Variants in RYR2 observed in about 807,000 individuals in gnomAD.
RYR2 encodes the protein cardiac muscle ryanodine receptor-calcium release channel.
A neutral mutation model predicts 601.1 loss-of-function variants in RYR2; 227 were observed. That is an observed-to-expected ratio of 0.38 (90% confidence interval 0.34 to 0.42). The LOEUF is 0.42. Ranked by LOEUF, RYR2 falls within the 10% of genes least tolerant of loss-of-function variation. The probability of loss-of-function intolerance (pLI) is 1.00; values close to 1 mark genes in which losing one functional copy is unlikely to be tolerated. For missense variants in RYR2, 4,646 were observed against 6,156.5 expected, an observed-to-expected ratio of 0.75 and a Z score of 8.21; for synonymous variants, 2,223 against 2,175.1, an observed-to-expected ratio of 1.02 and a Z score of -0.61.
chr1:237,174,429 A>G (rs569122291), intron 1 of RYR2, among the ~76,000 whole-genome samples: 1 of 152,292 alleles, frequency 6.6e-6, no homozygotes, highest in East Asian at 1.9e-4. Flanking sequence ...CTCCTAAAGT[A>G]GGCACTGTTT....
Position 237,608,828 on chromosome 1 carries a change from T to C in RYR2, c.4684-1934T>C, listed in dbSNP as rs1236228879. 2.1e-5 allele frequency among the ~76,000 whole-genome samples: 3 copies of C among 144,560 alleles called. No homozygotes were observed. In the Admixed American group the frequency reaches 2.1e-4, roughly 10 times the overall value. The allele number at this position is 144,560 out of a possible 152,430, so 94.8% of individuals were successfully genotyped here. On this transcript the variant is annotated intron_variant, in intron 35 of 104. Coordinates refer to ENST00000366574, the MANE Select transcript of RYR2 (RefSeq NM_001035.3). ...TTTTTTTTTTTTTTTTTTACAAAAT[T>C]GGACAAGGAGTTGTAGTTTCTCAGA...
intron 1 of RYR2, among the ~76,000 whole-genome samples, chr1:237,219,562 C>A (rs1176166080): frequency 6.6e-6 from 1 of 152,146 alleles, no homozygotes; most frequent in Non-Finnish European, 1.5e-5. Context: ...GTAAAAATAA[C>A]CTCTACAAAT....
intron 37 of RYR2, 84 bp from the exon 38 acceptor site, chr1:237,617,202 G>A: frequency 1.6e-6 from 2 of 1,254,130 alleles, no homozygotes; most frequent in Non-Finnish European, 2.2e-6. Flanking sequence ...AGGCAACTAA[G>A]GATGTTTACC....
intron 62 of RYR2, among the ~76,000 whole-genome samples, chr1:237,681,033 T>G (rs1306858746): frequency 6.6e-6 from 1 of 152,208 alleles, no homozygotes; most frequent in African/African-American, 2.4e-5. Flanking sequence ...CCTATAAAAT[T>G]TCTGAAGCTT....
At chr1:237,275,806 A>C (rs2149364241) in intron 2 of RYR2, among the ~76,000 whole-genome samples, 1 of 152,310 alleles carries the variant, frequency 6.6e-6, no homozygotes, top group African/African-American at 2.4e-5. Context: ...AGAAAACTTC[A>C]GTAAGTTCCA....
At chr1:237,080,505 T>C (rs1665487865) in intron 1 of RYR2, among the ~76,000 whole-genome samples, 1 of 74,586 alleles carries the variant, frequency 1.3e-5, no homozygotes, top group Admixed American at 1.3e-4. Context: ...AAGACATTTA[T>C]GCAGCCAAAA....
At chr1:237,606,202 A>G (rs577248338) in intron 35 of RYR2, among the ~76,000 whole-genome samples, 1 of 152,302 alleles carries the variant, frequency 6.6e-6, no homozygotes, top group South Asian at 2.1e-4. Flanking sequence ...ACAGCATGGT[A>G]CTGGTACCAA....
chr1:237,503,160 G>A (rs1248414704), intron 21 of RYR2, 129 bp from the exon 22 acceptor site: 1 of 726,006 alleles, frequency 1.4e-6, no homozygotes, highest in Non-Finnish European at 2.3e-6. Context: ...CATTATGATG[G>A]TACGTAGGGG....
intron 85 of RYR2, among the ~76,000 whole-genome samples, chr1:237,771,389 C>A (rs548080716): frequency 6.8e-6 from 1 of 147,340 alleles, no homozygotes; most frequent in African/African-American, 2.5e-5. Flanking sequence ...GGAGCTTAGG[C>A]AACACAGCAA....
chr1:237,464,371 C>T (rs1211342889), intron 16 of RYR2, among the ~76,000 whole-genome samples: 1 of 151,756 alleles, frequency 6.6e-6, no homozygotes, highest in African/African-American at 2.4e-5. Context: ...CTTCCATTCT[C>T]TTCACATCCT....
At chr1:237,330,836 A>G in intron 2 of RYR2, 42 bp from the exon 3 acceptor site, 11 of 1,501,796 alleles carry the variant, frequency 7.3e-6, no homozygotes, top group Non-Finnish European at 1.0e-5. Flanking sequence ...TGGATGCTTG[A>G]TGAAGATGAT....
chr1:237,395,352 T>A (rs1327588612), intron 10 of RYR2, among the ~76,000 whole-genome samples: 1 of 152,132 alleles, frequency 6.6e-6, no homozygotes, highest in Non-Finnish European at 1.5e-5. Flanking sequence ...AAGCTTTGCT[T>A]TTCTCTAATT....
rs1308734138 is a variant in RYR2, at chr1:237,566,747, A to C, written c.3395A>C (p.Glu1132Ala). 6.2e-7 allele frequency: 1 copy of C among 1,613,948 alleles called. No individual in the cohort carries two copies. The highest frequency in any genetic ancestry group is 2.2e-5 in the East Asian group (1 of 44,880). Residue 1132 changes from glutamate to alanine, a missense_variant, in exon 28 of 105, where the codon GAA becomes GCA. By Grantham distance (107) the Glu-to-Ala change is moderately radical (BLOSUM62 -1). Transcript: ENST00000366574. ...CQPDQELGSD[E>A]RAFAFDGFKA... is the part of the protein sequence containing the mutation. ...CCGGATCAGGAGCTTGGCTCAGATGAACGTGCCTTTGCCTTTGATGGCTTC... is the reference window on the plus strand; with the variant it reads ...CCGGATCAGGAGCTTGGCTCAGATGCACGTGCCTTTGCCTTTGATGGCTTC...
At chr1:237,165,700 A>G (rs1264052408) in intron 1 of RYR2, among the ~76,000 whole-genome samples, 1 of 152,106 alleles carries the variant, frequency 6.6e-6, no homozygotes, top group Non-Finnish European at 1.5e-5. Context: ...CTTCATCTCT[A>G]CAAAGAAACT....
intron 33 of RYR2, among the ~76,000 whole-genome samples, chr1:237,594,894 T>TGTTTG (rs1334728750): frequency 5.5e-5 from 1 of 18,340 alleles, no homozygotes; most frequent in African/African-American, 8.6e-5. Flanking sequence ...GGGTTTTTTT[T>TGTTTG]TTTTTTTTTT....
chr1:237,046,611 G>T (rs1324456781), intron 1 of RYR2, among the ~76,000 whole-genome samples: 3 of 152,164 alleles, frequency 2.0e-5, no homozygotes, highest in Non-Finnish European at 2.9e-5. Context: ...GTACACATTG[G>T]CAGGAAGGGC....
intron 22 of RYR2, among the ~76,000 whole-genome samples, chr1:237,506,314 G>T (rs1422601119): frequency 6.6e-6 from 1 of 152,128 alleles, no homozygotes; most frequent in East Asian, 1.9e-4. Flanking sequence ...GAGGCGGGCG[G>T]ATCACGAGGT....
intron 1 of RYR2, among the ~76,000 whole-genome samples, chr1:237,095,856 C>T (rs1035107842): frequency 2.0e-5 from 3 of 152,210 alleles, no homozygotes; most frequent in African/African-American, 7.2e-5. Flanking sequence ...AGATGGATGT[C>T]ATCAGAATAG....
At chr1:237,638,057 A>G (rs1051320939) in intron 44 of RYR2, among the ~76,000 whole-genome samples, 2 of 151,796 alleles carry the variant, frequency 1.3e-5, no homozygotes, top group Non-Finnish European at 2.9e-5. Flanking sequence ...CCCTGGGCAG[A>G]TATGTTTGTG....
Sources: allele counts gnomAD v4.1 joint callset (sites outside exome capture counted in the v4.1 genomes callset), GRCh38; gene constraint gnomAD v4.1.1; transcripts MANE v1.5; gene names NCBI Gene and HGNC (gene_info 2026-07-23, HGNC 2026-07-21).